Variants in SND1 observed in about 807,000 individuals in gnomAD.
SND1 encodes the protein staphylococcal nuclease domain-containing protein 1.
A neutral mutation model predicts 121.7 loss-of-function variants in SND1; 38 were observed. That is an observed-to-expected ratio of 0.31 (90% CI 0.24 to 0.41). The LOEUF is 0.41. SND1 is among the 10% of genes least tolerant of loss of function. The pLI, the probability that SND1 is intolerant of heterozygous loss-of-function variation, is 1.00. For missense variants in SND1, 868 were observed against 1,184.6 expected, an observed-to-expected ratio of 0.73 and a Z score of 3.92; for synonymous variants, 401 against 447.4, an observed-to-expected ratio of 0.90 and a Z score of 1.31.
intron 2 of SND1, among the ~76,000 whole-genome samples, chr7:127,687,614 T>G (rs186377394): frequency 1.3e-5 from 2 of 152,344 alleles, no homozygotes; most frequent in East Asian, 3.9e-4. Flanking sequence ...GATGCTGGCC[T>G]CTAGCTCCAT....
At chr7:127,664,612 G>C (rs993358070) in intron 1 of SND1, among the ~76,000 whole-genome samples, 9 of 152,244 alleles carry the variant, frequency 5.9e-5, no homozygotes, top group Middle Eastern at 3.4e-3. Context: ...CTGTTTTCCA[G>C]AGTTCTGTGA....
intron 14 of SND1, among the ~76,000 whole-genome samples, chr7:127,920,300 A>G (rs1233884055): frequency 1.3e-5 from 2 of 152,228 alleles, no homozygotes; most frequent in Non-Finnish European, 2.9e-5. Flanking sequence ...AAATAAACCA[A>G]TAAAGCAGAA....
intron 16 of SND1, among the ~76,000 whole-genome samples, chr7:128,032,723 G>C (rs1025487692): frequency 2.6e-5 from 4 of 152,164 alleles, no homozygotes; most frequent in Non-Finnish European, 5.9e-5. Context: ...GGACTCGGGG[G>C]ACGGCGGCCG....
intron 16 of SND1, among the ~76,000 whole-genome samples, chr7:128,040,406 C>G (rs183437238): frequency 3.3e-5 from 4 of 121,574 alleles, no homozygotes; most frequent in Middle Eastern, 6.8e-3. Context: ...CACTCCAACT[C>G]TGGTCATCAA....
At chr7:128,030,648 C>G (rs370724359) in intron 16 of SND1, 215 of 1,543,990 alleles carry the variant, frequency 1.4e-4, no homozygotes, top group Non-Finnish European at 1.8e-4. Context: ...CATGGTGTGG[C>G]ACGTTCATAA....
chr7:127,659,692 T>C (rs1024540080), intron 1 of SND1, among the ~76,000 whole-genome samples: 2 of 152,198 alleles, frequency 1.3e-5, no homozygotes, highest in Admixed American at 6.5e-5. Context: ...TTATTAACTT[T>C]GTCCCTGGAA....
intron 10 of SND1, among the ~76,000 whole-genome samples, chr7:127,799,478 G>T (rs1030766740): frequency 2.0e-5 from 3 of 152,124 alleles, no homozygotes; most frequent in Non-Finnish European, 4.4e-5. Context: ...CCTTAAAGAT[G>T]GGATCAGCAG....
intron 11 of SND1, among the ~76,000 whole-genome samples, chr7:127,827,545 C>T (rs759797094): frequency 6.6e-6 from 1 of 152,024 alleles, no homozygotes; most frequent in African/African-American, 2.4e-5. Context: ...TGTATCTTTC[C>T]ACCGCTCCCC....
intron 4 of SND1, 91 bp downstream of exon 4, chr7:127,699,044 G>A: frequency 9.9e-7 from 1 of 1,014,792 alleles, no homozygotes; most frequent in South Asian, 1.4e-5. Flanking sequence ...GGTAACTGCA[G>A]GGGCTTTCAC....
intron 16 of SND1, among the ~76,000 whole-genome samples, chr7:128,024,749 A>T (rs1446769278): frequency 3.3e-5 from 5 of 152,244 alleles, no homozygotes; most frequent in Non-Finnish European, 7.3e-5. Flanking sequence ...GAAGGGTGTT[A>T]AAAAGTCCTG....
chr7:127,953,870 A>G (rs1347411600), intron 15 of SND1, among the ~76,000 whole-genome samples: 1 of 152,170 alleles, frequency 6.6e-6, no homozygotes, highest in African/African-American at 2.4e-5. Flanking sequence ...CTCTTCCACC[A>G]TAGGGAAGGA....
intron 4 of SND1, among the ~76,000 whole-genome samples, 154 bp downstream of exon 4, chr7:127,699,107 C>T (rs1796057952): frequency 6.6e-6 from 1 of 152,172 alleles, no homozygotes; most frequent in African/African-American, 2.4e-5. Context: ...TAGGAAGTCA[C>T]TCAGCATTCA....
At chr7:127,908,277 G>A (rs1344274640) in intron 14 of SND1, among the ~76,000 whole-genome samples, 1 of 151,010 alleles carries the variant, frequency 6.6e-6, no homozygotes, top group East Asian at 1.9e-4. Context: ...TGTAGTCAGT[G>A]TAGTGAGACC....
At chr7:128,080,634 A>G (rs933389694) in intron 17 of SND1, among the ~76,000 whole-genome samples, 1 of 152,166 alleles carries the variant, frequency 6.6e-6, no homozygotes, top group Non-Finnish European at 1.5e-5. Context: ...GAGCTGGAGC[A>G]AGAGAGGTGC....
At chr7:128,071,508 T>C (rs1793408837) in intron 16 of SND1, among the ~76,000 whole-genome samples, 1 of 152,230 alleles carries the variant, frequency 6.6e-6, no homozygotes, top group South Asian at 2.1e-4. Context: ...ATAATACTTG[T>C]ACAAACATAG....
At chr7:127,797,627 C>T (rs973951263) in intron 10 of SND1, among the ~76,000 whole-genome samples, 1 of 152,228 alleles carries the variant, frequency 6.6e-6, no homozygotes, top group Admixed American at 6.5e-5. Flanking sequence ...GGCAGGGCCC[C>T]AGCATCTTTT....
intron 15 of SND1, among the ~76,000 whole-genome samples, chr7:127,983,630 G>A (rs1030162232): frequency 3.9e-5 from 6 of 152,074 alleles, no homozygotes; most frequent in African/African-American, 9.7e-5. Flanking sequence ...CTCCCCCATC[G>A]TTTGATCAAC....
chr7:127,946,772 T>C (rs1563066866), intron 15 of SND1, among the ~76,000 whole-genome samples: 1 of 152,240 alleles, frequency 6.6e-6, no homozygotes, highest in Non-Finnish European at 1.5e-5. Flanking sequence ...TTTATTTTTG[T>C]TTTTAATAAT....
chr7:127,663,843 G>T (rs1795362488), intron 1 of SND1, among the ~76,000 whole-genome samples: 1 of 152,198 alleles, frequency 6.6e-6, no homozygotes, highest in Admixed American at 6.5e-5. Flanking sequence ...AGTGCAGATA[G>T]ACAGGTGGAG....
Sources: gnomAD v4.1 joint callset for allele counts (sites outside exome capture counted in the v4.1 genomes callset) on GRCh38, gnomAD v4.1.1 for gene constraint, MANE v1.5 for transcripts, NCBI Gene and HGNC (gene_info 2026-07-23, HGNC 2026-07-21) for gene names.